Variants in TP63 observed in about 807,000 individuals in gnomAD.
TP63 encodes the protein tumor protein p63.
A neutral mutation model predicts 82.8 loss-of-function variants in TP63; 17 were observed. That is an observed-to-expected ratio of 0.21 (90% CI 0.14 to 0.31). TP63 has a LOEUF of 0.31. Ranked by LOEUF, TP63 falls within the 10% of genes least tolerant of loss-of-function variation. TP63 has a pLI of 1.00. For missense variants in TP63, 648 were observed against 895.3 expected (o/e 0.72, Z 3.52); for synonymous variants, 330 against 321.7 (o/e 1.03, Z -0.28).
intron 1 of TP63, among the ~76,000 whole-genome samples, chr3:189,657,617 G>T (rs1292516437): frequency 6.6e-6 from 1 of 151,928 alleles, no homozygotes. Context: ...ACAAATGGAT[G>T]GTACATGGTA....
chr3:189,847,444 T>C (rs1715037621), intron 4 of TP63, among the ~76,000 whole-genome samples: 2 of 152,330 alleles, frequency 1.3e-5, no homozygotes, highest in South Asian at 2.1e-4. Context: ...CCTCTATGAA[T>C]GATTAGCTCA....
rs1270114171 is a variant in TP63, at chr3:189,826,388, G to A, written c.579+17862G>A. Among the ~76,000 whole-genome samples the A allele has an allele frequency of 6.6e-5, 10 of 152,254 alleles. No homozygotes were observed. The East Asian group carries it at 9.6e-4, about 15-fold the overall frequency. Reference sequence around the variant, plus strand: ...CTTGAAAAATGATTTTATGGACACCGTGATGTAAACAATGAGTCTCTCTAG... The same window carrying A: ...CTTGAAAAATGATTTTATGGACACCATGATGTAAACAATGAGTCTCTCTAG... On this transcript the variant is annotated intron_variant, in intron 4 of 13. Transcript: ENST00000264731.
intron 1 of TP63, among the ~76,000 whole-genome samples, chr3:189,650,310 A>G (rs760616006): frequency 3.4e-5 from 5 of 147,324 alleles, no homozygotes; most frequent in Non-Finnish European, 7.4e-5. Context: ...AAACCAATCA[A>G]TGCATTACCT....
chr3:189,848,232 C>T (rs931440718), intron 4 of TP63, among the ~76,000 whole-genome samples: 4 of 44,940 alleles, frequency 8.9e-5, no homozygotes, highest in African/African-American at 3.1e-4. Flanking sequence ...CCTCCTCCTC[C>T]TCCTCCTTCT....
upstream of TP63, among the ~76,000 whole-genome samples, chr3:189,626,773 G>A (rs76149668): frequency 1.5e-3 from 224 of 147,900 alleles, 1 homozygote; most frequent in African/African-American, 4.3e-3. Flanking sequence ...GCCTACAGTG[G>A]CTTTGCAAAG....
chr3:189,861,093 G>T (rs2378527), intron 4 of TP63, among the ~76,000 whole-genome samples: 91,044 of 151,698 alleles, frequency 0.6, 28,016 homozygotes, highest in African/African-American at 0.75. Flanking sequence ...TTTTTCGTAT[G>T]TTTAGTAGAG....
chr3:189,852,423 G>A (rs1479663207), intron 4 of TP63, among the ~76,000 whole-genome samples: 3 of 152,202 alleles, frequency 2.0e-5, no homozygotes, highest in Non-Finnish European at 4.4e-5. Context: ...TTAGAAAACA[G>A]ATAAACAACT....
chr3:189,719,924 A>G (rs2108767326), intron 1 of TP63, among the ~76,000 whole-genome samples: 1 of 152,330 alleles, frequency 6.6e-6, no homozygotes, highest in Non-Finnish European at 1.5e-5. Flanking sequence ...AAACCTTAAA[A>G]GGATTTTTAT....
chr3:189,762,147 A>T (rs1483124104), intron 3 of TP63, among the ~76,000 whole-genome samples: 3 of 152,210 alleles, frequency 2.0e-5, no homozygotes, highest in Non-Finnish European at 2.9e-5. Flanking sequence ...CAGGATTGGG[A>T]GGACCTGGAA....
At chr3:189,808,170 A>G in intron 3 of TP63, 102 bp from the exon 4 acceptor site, 1 of 1,593,534 alleles carries the variant, frequency 6.3e-7, no homozygotes, top group South Asian at 1.1e-5. Flanking sequence ...TTCCGACGTG[A>G]GGTCCATCTC....
chr3:189,691,631 T>C (rs1170607499), intron 1 of TP63, among the ~76,000 whole-genome samples: 2 of 152,186 alleles, frequency 1.3e-5, no homozygotes, highest in Non-Finnish European at 2.9e-5. Flanking sequence ...GAAACGCTGC[T>C]TTAAATAATC....
intron 3 of TP63, among the ~76,000 whole-genome samples, chr3:189,753,914 G>A (rs1310166050): frequency 1.3e-5 from 2 of 151,978 alleles, no homozygotes; most frequent in Admixed American, 6.6e-5. Context: ...AATTCAAATG[G>A]AAGGTAGAAA....
At position 189,897,180 on chromosome 3, in the gene TP63, A is replaced by G; in HGVS notation, c.*2678A>G. 4.6e-6 allele frequency: 1 copy of G among 218,608 alleles called. No homozygotes were observed. Among genetic ancestry groups the G allele is most frequent in the Non-Finnish European group, 9.2e-6 (1 of 108,584 alleles). 13.5% of individuals were successfully genotyped at this position (218,608 alleles called of 1,614,324 possible). A position where few individuals can be genotyped will look rare whatever the true frequency, so the allele number is the denominator to read the frequency against. On this transcript the variant is annotated 3_prime_UTR_variant, in exon 14 of 14. Transcript: ENST00000264731. ...TGCTTGTCTTCTGGTACTTTCTGTT[A>G]TGGGCTTTTGGGGAGCCAGAAGCCA...
chr3:189,678,374 T>C (rs957342929), intron 1 of TP63, among the ~76,000 whole-genome samples: 2 of 152,084 alleles, frequency 1.3e-5, no homozygotes, highest in African/African-American at 4.8e-5. Context: ...TATGTTTTTG[T>C]TGAAGATAAG....
chr3:189,801,088 T>C (rs1175045972), intron 3 of TP63, among the ~76,000 whole-genome samples: 1 of 152,144 alleles, frequency 6.6e-6, no homozygotes, highest in Non-Finnish European at 1.5e-5. Flanking sequence ...CTACCAACAT[T>C]ATTTAAAAAA....
At chr3:189,779,206 T>C (rs1209968439) in intron 3 of TP63, among the ~76,000 whole-genome samples, 1 of 152,250 alleles carries the variant, frequency 6.6e-6, no homozygotes, top group Non-Finnish European at 1.5e-5. Flanking sequence ...ATTTTTAAAA[T>C]GCATCACTCC....
intron 4 of TP63, among the ~76,000 whole-genome samples, chr3:189,858,346 C>CAGTG (rs1716563697): frequency 1.4e-5 from 1 of 73,344 alleles, no homozygotes. Flanking sequence ...GCGGAGCCTG[C>CAGTG]AGTGAGCCGA....
chr3:189,765,499 G>C (rs1384766550), intron 3 of TP63, among the ~76,000 whole-genome samples: 2 of 127,418 alleles, frequency 1.6e-5, no homozygotes, highest in African/African-American at 6.0e-5. Context: ...GCAGTGGGGG[G>C]ATCTTGGCTC....
rs1553825743 is a variant in TP63 at position 189,741,217 on chromosome 3, A to AAC, written c.324+2443_324+2444insAC. Among the ~76,000 whole-genome samples, 264 of 150,022 alleles carry AAC rather than the reference A, an allele frequency of 1.8e-3. 1 individual carries two copies. The highest frequency in any genetic ancestry group is 4.5e-3 in the East Asian group (23 of 5,108). On this transcript the variant is annotated intron_variant, in intron 3 of 13. Coordinates refer to ENST00000264731, the MANE Select transcript of TP63 (RefSeq NM_003722.5). ...CTCTGTCTGTGGAAAAAAAAAAAAA[A>AAC]CCCTGAGATATTCCTAACAACGTAG...
Sources: gnomAD v4.1 joint callset for allele counts (sites outside exome capture counted in the v4.1 genomes callset) on GRCh38, gnomAD v4.1.1 for gene constraint, MANE v1.5 for transcripts, NCBI Gene and HGNC (gene_info 2026-07-23, HGNC 2026-07-21) for gene names.